The following AGBL4 variants were observed in gnomAD, a reference collection of about 807,000 sequenced individuals.
AGBL4 encodes AGBL carboxypeptidase 4.
AGBL4 carries 58 observed loss-of-function variants against 66.4 expected under a neutral mutation model. The observed-to-expected ratio is 0.87, with a 90% CI of 0.71 to 1.09. The LOEUF (loss-of-function observed/expected upper bound fraction) is 1.09, where lower values mean the gene tolerates loss of function less well. Ranked by LOEUF, AGBL4 falls within the 50% of genes least tolerant of loss-of-function variation. AGBL4 has a pLI of 0.00. For synonymous variants in AGBL4, 234 were observed against 222.9 expected (o/e 1.05, Z -0.44); for missense variants, 579 against 631.0 (o/e 0.92, Z 0.88).
chr1:49,691,882 A>G (rs1427921306), intron 3 of AGBL4, among the ~76,000 whole-genome samples: 1 of 152,146 alleles, frequency 6.6e-6, no homozygotes, highest in East Asian at 1.9e-4. Flanking sequence ...TCGGACTCCA[A>G]GTTCTTCAGT....
rs1569883234 is a variant in AGBL4, at chr1:49,161,464, T to C, written c.377+84306A>G. ...CACCCACCTTCTGCATCAATCTCAC[T>C]GGGAGCTGCAGACCAGAGCTCTTCC... On this transcript the variant is annotated intron_variant, in intron 4 of 13. Transcript: ENST00000371839. 2.0e-5 allele frequency among the ~76,000 whole-genome samples: 3 copies of C among 152,332 alleles called. No individual in the cohort carries two copies. The East Asian group carries it at 5.8e-4, about 29-fold the overall frequency.
intron 6 of AGBL4, among the ~76,000 whole-genome samples, chr1:48,714,735 T>C (rs901179946): frequency 6.6e-6 from 1 of 152,348 alleles, no homozygotes; most frequent in African/African-American, 2.4e-5. Context: ...AGCTAGCCTA[T>C]GAGGCCTGTG....
chr1:48,862,629 A>C (rs1182465919), intron 6 of AGBL4, among the ~76,000 whole-genome samples: 1 of 152,178 alleles, frequency 6.6e-6, no homozygotes, highest in Admixed American at 6.5e-5. Flanking sequence ...ACTAAAAGTC[A>C]CTTTCTTTAT....
intron 1 of AGBL4, among the ~76,000 whole-genome samples, chr1:49,941,663 GT>G (rs1358502471): frequency 6.6e-6 from 1 of 151,920 alleles, no homozygotes; most frequent in African/African-American, 2.4e-5. Context: ...GAAAGAAAAT[GT>G]GACAAAATTA....
intron 6 of AGBL4, among the ~76,000 whole-genome samples, chr1:48,789,297 T>A (rs58015249): frequency 2.2e-3 from 80 of 36,026 alleles, no homozygotes; most frequent in Non-Finnish European, 3.5e-3. Context: ...TATATATATT[T>A]TTTTTTTTTG....
intron 4 of AGBL4, among the ~76,000 whole-genome samples, chr1:49,115,813 C>G (rs974951305): frequency 6.6e-6 from 1 of 152,210 alleles, no homozygotes; most frequent in East Asian, 1.9e-4. Context: ...CTTACAATCT[C>G]TACTGTGACA....
At position 49,131,198 on chromosome 1, in the gene AGBL4, T is replaced by G. The variant is rs184393236; in HGVS notation, c.378-85398A>C. On this transcript the variant is annotated intron_variant, in intron 4 of 13. Coordinates refer to ENST00000371839, the MANE Select transcript of AGBL4 (RefSeq NM_032785.4). Reference sequence around the variant, plus strand: ...AAGGAATGACAAATCTAATTTATAATGGTAGAATGTAGATCAGTGGTTGCT... The same window carrying G: ...AAGGAATGACAAATCTAATTTATAAGGGTAGAATGTAGATCAGTGGTTGCT... Among the ~76,000 whole-genome samples, 5 of 152,208 alleles carry G rather than the reference T, an allele frequency of 3.3e-5. No homozygotes were observed. In the East Asian group the frequency reaches 7.7e-4, roughly 24 times the overall value.
intron 3 of AGBL4, among the ~76,000 whole-genome samples, chr1:49,693,548 A>G (rs1487638030): frequency 1.3e-5 from 2 of 152,136 alleles, no homozygotes; most frequent in Non-Finnish European, 2.9e-5. Context: ...TTTAGAAATA[A>G]ATATGCCAAA....
intron 4 of AGBL4, among the ~76,000 whole-genome samples, chr1:49,196,993 T>C (rs563223221): frequency 4.6e-5 from 7 of 151,640 alleles, no homozygotes; most frequent in Non-Finnish European, 1.0e-4. Flanking sequence ...ATGCCCAGCA[T>C]TTTTTTTGTC....
chr1:48,622,096 C>CCTCCTGCCCCTTCTCCACATGCT (rs143638298), intron 9 of AGBL4, among the ~76,000 whole-genome samples: 2,332 of 152,096 alleles, frequency 0.015, 69 homozygotes, highest in African/African-American at 0.054. Context: ...CCCAGCCTTG[C>CCTCCTGCCCCTTCTCCACATGCT]CTCCTGCCCC....
chr1:49,301,976 C>T (rs1044325931), intron 3 of AGBL4, among the ~76,000 whole-genome samples: 2 of 152,136 alleles, frequency 1.3e-5, no homozygotes, highest in African/African-American at 4.8e-5. Context: ...CCTCCTTGCT[C>T]AGCTGCCTTG....
At chr1:49,114,497 T>C (rs1226600727) in intron 4 of AGBL4, among the ~76,000 whole-genome samples, 3 of 152,230 alleles carry the variant, frequency 2.0e-5, no homozygotes, top group Non-Finnish European at 4.4e-5. Flanking sequence ...ATGATTTGTG[T>C]ATTTACTGGC....
chr1:49,381,141 A>G (rs896567865), intron 3 of AGBL4, among the ~76,000 whole-genome samples: 2 of 152,118 alleles, frequency 1.3e-5, no homozygotes, highest in African/African-American at 2.4e-5. Context: ...ACTCAAACAA[A>G]TTTACAAGAA....
At chr1:49,545,690 A>G (rs561197975) in intron 3 of AGBL4, among the ~76,000 whole-genome samples, 1 of 152,260 alleles carries the variant, frequency 6.6e-6, no homozygotes, top group African/African-American at 2.4e-5. Context: ...CATATGTAAA[A>G]TTTTAGCACA....
chr1:49,488,652 C>G (rs193085652), intron 3 of AGBL4, among the ~76,000 whole-genome samples: 3 of 151,834 alleles, frequency 2.0e-5, no homozygotes, highest in Non-Finnish European at 4.4e-5. Flanking sequence ...TTTTATATTA[C>G]TATATTTTTG....
chr1:49,413,122 C>T (rs1231924561), intron 3 of AGBL4, among the ~76,000 whole-genome samples: 1 of 152,120 alleles, frequency 6.6e-6, no homozygotes, highest in Non-Finnish European at 1.5e-5. Flanking sequence ...GGTCACACAA[C>T]CTGGTAGTGT....
intron 3 of AGBL4, among the ~76,000 whole-genome samples, chr1:49,537,722 A>G (rs1651710764): frequency 6.6e-6 from 1 of 152,200 alleles, no homozygotes; most frequent in Non-Finnish European, 1.5e-5. Flanking sequence ...CAGGAGATCA[A>G]GACCATCCTG....
intron 2 of AGBL4, among the ~76,000 whole-genome samples, chr1:49,711,392 T>C (rs984360532): frequency 5.3e-5 from 8 of 152,040 alleles, no homozygotes; most frequent in African/African-American, 1.9e-4. Flanking sequence ...TACAATGAAA[T>C]AGTGCTAAGC....
chr1:49,994,529 C>T (rs918177603), intron 1 of AGBL4: 6 of 152,190 alleles, frequency 3.9e-5, no homozygotes, highest in African/African-American at 1.4e-4. Flanking sequence ...AAGTAAGCCA[C>T]AATCATGCCA....
Sources: allele counts gnomAD v4.1 joint callset (sites outside exome capture counted in the v4.1 genomes callset), GRCh38; gene constraint gnomAD v4.1.1; transcripts MANE v1.5; gene names NCBI Gene and HGNC (gene_info 2026-07-23, HGNC 2026-07-21).